SLC9A9: variants seen among roughly 807,000 people sequenced by gnomAD.
The protein encoded by SLC9A9 is solute carrier family 9 member A9, also known as sodium/hydrogen exchanger 9.
Under a neutral mutation model 77.8 loss-of-function variants are expected in SLC9A9, and 62 were observed. The ratio of observed to expected loss-of-function variants is 0.80; its 90% CI spans 0.65 to 0.98. The LOEUF (loss-of-function observed/expected upper bound fraction) is 0.98, where lower values mean the gene tolerates loss of function less well. Ranked by LOEUF, SLC9A9 falls within the 50% of genes least tolerant of loss-of-function variation. The pLI, the probability that SLC9A9 is intolerant of heterozygous loss-of-function variation, is 0.00. For synonymous variants in SLC9A9, 320 were observed against 283.5 expected, an observed-to-expected ratio of 1.13 and a Z score of -1.29; for missense variants, 775 against 774.9, an observed-to-expected ratio of 1.00 and a Z score of 0.00.
intron 2 of SLC9A9, among the ~76,000 whole-genome samples, chr3:143,830,103 C>T (rs2108887753): frequency 6.6e-6 from 1 of 152,244 alleles, no homozygotes; most frequent in Non-Finnish European, 1.5e-5. Context: ...ACTAGTGTCC[C>T]CCAGGATTGC....
At chr3:143,811,949 G>T (rs2008879742) in intron 2 of SLC9A9, among the ~76,000 whole-genome samples, 1 of 152,080 alleles carries the variant, frequency 6.6e-6, no homozygotes, top group Admixed American at 6.5e-5. Flanking sequence ...TGAAGCAATG[G>T]TTTGAGAATA....
At chr3:143,531,596 G>C (rs2108621871) in intron 9 of SLC9A9, among the ~76,000 whole-genome samples, 1 of 152,284 alleles carries the variant, frequency 6.6e-6, no homozygotes, top group East Asian at 1.9e-4. Flanking sequence ...CCTCTTTCTT[G>C]TTGTATAATA....
At chr3:143,684,029 T>A (rs1051696720) in intron 5 of SLC9A9, among the ~76,000 whole-genome samples, 3 of 151,346 alleles carry the variant, frequency 2.0e-5, no homozygotes, top group Non-Finnish European at 4.4e-5. Flanking sequence ...TTAATCCTTA[T>A]CAAGAACCTT....
chr3:143,656,667 A>G (rs1341329876), intron 5 of SLC9A9, among the ~76,000 whole-genome samples: 1 of 152,236 alleles, frequency 6.6e-6, no homozygotes, highest in Non-Finnish European at 1.5e-5. Flanking sequence ...GGACAACAAC[A>G]TACAATAGTT....
intron 9 of SLC9A9, among the ~76,000 whole-genome samples, chr3:143,511,060 T>C (rs1295390234): frequency 3.3e-5 from 5 of 152,146 alleles, no homozygotes; most frequent in Non-Finnish European, 7.4e-5. Flanking sequence ...GCCCAGAGAA[T>C]TTGGGGGTGC....
At chr3:143,404,337 T>G (rs1037323973) in intron 12 of SLC9A9, among the ~76,000 whole-genome samples, 9 of 151,616 alleles carry the variant, frequency 5.9e-5, no homozygotes, top group Admixed American at 2.6e-4. Flanking sequence ...CCACACCTAA[T>G]TTTTTTGTAT....
intron 14 of SLC9A9, among the ~76,000 whole-genome samples, chr3:143,278,633 A>G (rs528337778): frequency 1.8e-4 from 27 of 152,348 alleles, no homozygotes; most frequent in African/African-American, 5.8e-4. Context: ...ATGTCTTGAC[A>G]TGATCACCTT....
intron 12 of SLC9A9, among the ~76,000 whole-genome samples, chr3:143,433,016 G>A (rs1238287818): frequency 6.6e-6 from 1 of 152,228 alleles, no homozygotes. Flanking sequence ...ATCAGCCCTG[G>A]TGGTGTTTCA....
At chr3:143,476,432 G>T (rs1247182026) in intron 11 of SLC9A9, among the ~76,000 whole-genome samples, 1 of 152,198 alleles carries the variant, frequency 6.6e-6, no homozygotes, top group African/African-American at 2.4e-5. Flanking sequence ...TAGAAGCCCT[G>T]GGTAGCCAGA....
chr3:143,757,131 G>A (rs934832763), intron 4 of SLC9A9, among the ~76,000 whole-genome samples: 1 of 152,132 alleles, frequency 6.6e-6, no homozygotes, highest in African/African-American at 2.4e-5. Context: ...CTATGGTAGA[G>A]ATGATCCATA....
intron 2 of SLC9A9, chr3:143,811,611 C>T (rs1048914393): frequency 2.5e-5 from 11 of 447,190 alleles, no homozygotes; most frequent in South Asian, 4.7e-5. Flanking sequence ...TTTGGGAGGC[C>T]GACGTGGGTG....
intron 4 of SLC9A9, among the ~76,000 whole-genome samples, chr3:143,732,863 T>C (rs1355259903): frequency 1.3e-5 from 2 of 152,138 alleles, no homozygotes; most frequent in Non-Finnish European, 2.9e-5. Context: ...TAGAGCATGA[T>C]TTTCATTAGG....
intron 4 of SLC9A9, among the ~76,000 whole-genome samples, chr3:143,693,528 A>T (rs984506551): frequency 6.6e-6 from 1 of 152,184 alleles, no homozygotes; most frequent in African/African-American, 2.4e-5. Flanking sequence ...GGTAAAAGGT[A>T]ATGCAACAGT....
At chr3:143,475,912 T>G (rs182689255) in intron 11 of SLC9A9, among the ~76,000 whole-genome samples, 190 of 152,012 alleles carry the variant, frequency 1.2e-3, no homozygotes, top group African/African-American at 4.0e-3. Flanking sequence ...AGATGCATTA[T>G]TTTGCTGCCT....
chr3:143,449,967 T>C (rs1440448619), intron 12 of SLC9A9, among the ~76,000 whole-genome samples: 1 of 50,014 alleles, frequency 2.0e-5, no homozygotes, highest in African/African-American at 1.6e-4. Context: ...ATATAATATA[T>C]ATAATATATA....
chr3:143,715,658 C>T (rs575106290), intron 4 of SLC9A9, among the ~76,000 whole-genome samples: 3 of 152,282 alleles, frequency 2.0e-5, no homozygotes, highest in African/African-American at 7.2e-5. Flanking sequence ...TCAGAAGCTA[C>T]TTGTCAAATG....
intron 9 of SLC9A9, chr3:143,517,487 T>C (rs2036222290): frequency 6.3e-7 from 1 of 1,597,928 alleles, no homozygotes; most frequent in Non-Finnish European, 8.5e-7. Context: ...TGTTCTTTCT[T>C]TGATCTCTCG....
At chr3:143,637,499 A>G (rs573101144) in intron 6 of SLC9A9, among the ~76,000 whole-genome samples, 74 of 152,336 alleles carry the variant, frequency 4.9e-4, no homozygotes, top group African/African-American at 1.7e-3. Context: ...TTGAATTTCT[A>G]TGATTTATAT....
At chr3:143,378,494 G>GAAT (rs757898339) in intron 13 of SLC9A9, among the ~76,000 whole-genome samples, 14 of 152,216 alleles carry the variant, frequency 9.2e-5, no homozygotes, top group African/African-American at 2.9e-4. Context: ...GCAGTGTTAA[G>GAAT]AATAATAGCT....
Sources: gnomAD v4.1 joint callset for allele counts (sites outside exome capture counted in the v4.1 genomes callset) on GRCh38, gnomAD v4.1.1 for gene constraint, MANE v1.5 for transcripts, NCBI Gene and HGNC (gene_info 2026-07-23, HGNC 2026-07-21) for gene names.